SLC14A2: variants seen among roughly 807,000 people sequenced by gnomAD.
SLC14A2 encodes the protein urea transporter 2.
SLC14A2 carries 91 observed loss-of-function variants against 104.6 expected under a neutral mutation model. That is an observed-to-expected ratio of 0.87 (90% CI 0.73 to 1.04). The LOEUF is 1.04. Among genes scored for constraint, SLC14A2 ranks in the 50% least tolerant of loss-of-function variants. The pLI is 0.00. For missense variants in SLC14A2, 1,189 were observed against 1,156.0 expected (o/e 1.03, Z -0.41); for synonymous variants, 476 against 466.4 (o/e 1.02, Z -0.27).
intron 2 of SLC14A2, among the ~76,000 whole-genome samples, chr18:45,486,739 C>A (rs1293088769): frequency 6.6e-6 from 1 of 152,184 alleles, no homozygotes; most frequent in Non-Finnish European, 1.5e-5. Context: ...TTGCTTCCTG[C>A]AGCATCTCAA....
intron 2 of SLC14A2, among the ~76,000 whole-genome samples, chr18:45,565,935 CCA>C (rs747397825): frequency 2.6e-5 from 4 of 152,202 alleles, no homozygotes; most frequent in Non-Finnish European, 5.9e-5. Context: ...AGCTCTATCC[CCA>C]GATAAAGTCA....
At chr18:45,207,173 G>A in the SLC14A2 span, among the ~76,000 whole-genome samples, 1 of 152,218 alleles carries the variant, frequency 6.6e-6, no homozygotes, top group African/African-American at 2.4e-5. Context: ...GACAAGGGCA[G>A]GGTAGAAGTA....
the SLC14A2 span, among the ~76,000 whole-genome samples, chr18:45,178,406 TAGC>T: frequency 2.0e-5 from 3 of 151,758 alleles, no homozygotes; most frequent in Non-Finnish European, 2.9e-5. Flanking sequence ...CAAGAAAACA[TAGC>T]AGAATAAAAG....
chr18:45,439,903 T>C (rs1314300411), intron 1 of SLC14A2, among the ~76,000 whole-genome samples: 1 of 152,228 alleles, frequency 6.6e-6, no homozygotes, highest in Non-Finnish European at 1.5e-5. Flanking sequence ...GGAGACTCTA[T>C]GCTTTTTTTC....
intron 1 of SLC14A2, among the ~76,000 whole-genome samples, chr18:45,279,189 G>A (rs900359264): frequency 1.3e-5 from 2 of 152,174 alleles, no homozygotes; most frequent in Non-Finnish European, 1.5e-5. Context: ...GGGATTAAAG[G>A]GAACATGCCG....
At chr18:45,212,810 G>A (rs1386030305), upstream of SLC14A2, among the ~76,000 whole-genome samples, 2 of 152,136 alleles carry the variant, frequency 1.3e-5, no homozygotes, top group African/African-American at 4.8e-5. Flanking sequence ...TAGTCCGTTG[G>A]TACTGTATTA....
At chr18:45,677,240 A>G (rs2046242062) in intron 18 of SLC14A2, among the ~76,000 whole-genome samples, 1 of 152,218 alleles carries the variant, frequency 6.6e-6, no homozygotes, top group South Asian at 2.1e-4. Context: ...AAAATAGCAA[A>G]TATCAGTGGG....
At chr18:45,173,482 GAAAAGAAAAAAAA>G in the SLC14A2 span, among the ~76,000 whole-genome samples, 1 of 146,218 alleles carries the variant, frequency 6.8e-6, no homozygotes, top group Non-Finnish European at 1.5e-5. Context: ...CAAAAAGGGA[GAAAAGAAAAAAAA>G]AAAAGGAAAA....
intron 2 of SLC14A2, chr18:45,507,446 T>C (rs978923979): frequency 6.6e-6 from 1 of 152,260 alleles, no homozygotes; most frequent in Admixed American, 6.5e-5. Flanking sequence ...GGGTCTAGCA[T>C]TGAGGGAAGT....
chr18:45,584,015 A>G (rs575205936), intron 2 of SLC14A2, among the ~76,000 whole-genome samples: 51 of 152,372 alleles, frequency 3.3e-4, no homozygotes, highest in African/African-American at 1.2e-3. Context: ...TTTTAAAATT[A>G]TTACTGAGTT....
At chr18:45,323,442 G>A (rs983341720) in intron 1 of SLC14A2, among the ~76,000 whole-genome samples, 4 of 152,114 alleles carry the variant, frequency 2.6e-5, no homozygotes, top group African/African-American at 7.2e-5. Context: ...AACAAGTCTG[G>A]GAAGGACAAA....
intron 1 of SLC14A2, among the ~76,000 whole-genome samples, chr18:45,218,867 CA>C (rs1363823257): frequency 1.3e-5 from 2 of 150,522 alleles, no homozygotes; most frequent in Non-Finnish European, 2.9e-5. Flanking sequence ...GGTCCACATG[CA>C]CTAAATCTCT....
chr18:45,591,176 A>G (rs982910908), intron 2 of SLC14A2, among the ~76,000 whole-genome samples: 1 of 152,062 alleles, frequency 6.6e-6, no homozygotes, highest in Non-Finnish European at 1.5e-5. Context: ...TACTCTTCTG[A>G]TATGCAAATA....
intron 1 of SLC14A2, among the ~76,000 whole-genome samples, chr18:45,227,584 G>C (rs1230027923): frequency 6.6e-6 from 1 of 152,172 alleles, no homozygotes; most frequent in Admixed American, 6.5e-5. Context: ...AGCCCTCCTG[G>C]CCTGATCACC....
chr18:45,440,324 C>T (rs993765259), intron 1 of SLC14A2: 1 of 152,016 alleles, frequency 6.6e-6, no homozygotes, highest in African/African-American at 2.4e-5. Flanking sequence ...TGTCCTCTAA[C>T]ACTCCATTCT....
intron 16 of SLC14A2, 25 bp from the exon 17 acceptor site, chr18:45,672,875 G>C: frequency 6.2e-7 from 1 of 1,603,548 alleles, no homozygotes. Context: ...TCCATAATGA[G>C]CATGTAATCC....
At position 45,250,755 on chromosome 18, in the gene SLC14A2, C is replaced by CTTTTTTTTTT. The variant is rs67864793; in HGVS notation, c.-125+37576_-125+37585dup. Among the ~76,000 whole-genome samples the CTTTTTTTTTT allele has an allele frequency of 3.8e-4, 36 of 93,886 alleles. 1 individual carries two copies. The highest frequency in any genetic ancestry group is 9.2e-4 in the African/African-American group (21 of 22,934). The allele number at this position is 93,886 out of a possible 152,430, so 61.6% of individuals were successfully genotyped here. ...GAATCCTCTGGCTAGTGGCTTCTTCCTTTTTTTTTTTTTTTTTTTTTGGCT... is the reference window on the plus strand; with the variant it reads ...GAATCCTCTGGCTAGTGGCTTCTTCCTTTTTTTTTTTTTTTTTTTTTTTTTTTTTTTGGCT... On this transcript the variant is annotated intron_variant, in intron 1 of 20. Transcript: ENST00000586448.
intron 1 of SLC14A2, among the ~76,000 whole-genome samples, chr18:45,281,635 G>A (rs555302597): frequency 6.6e-6 from 1 of 152,082 alleles, no homozygotes; most frequent in Admixed American, 6.5e-5. Context: ...AGGGCTGGGG[G>A]GTGCAATTTA....
chr18:45,632,487 C>G lies in SLC14A2; in HGVS notation c.650+9C>G. ...TTCACAGCCATGTCCTGGTGAGGCA[C>G]CTCATTTTTTCTGCTCACAGCTCCA... is the stretch of plus-strand genomic sequence containing the variant. On this transcript the variant is annotated intron_variant, in intron 5 of 19. Transcript: ENST00000255226. 1 of 1,612,712 alleles carries G rather than the reference C, an allele frequency of 6.2e-7. No homozygotes were observed. Among genetic ancestry groups the G allele is most frequent in the African/African-American group, 1.3e-5 (1 of 74,896 alleles).
Sources: gnomAD v4.1 joint callset for allele counts (sites outside exome capture counted in the v4.1 genomes callset) on GRCh38, gnomAD v4.1.1 for gene constraint, MANE v1.5 for transcripts, NCBI Gene and HGNC (gene_info 2026-07-23, HGNC 2026-07-21) for gene names.